FSCN3: variants seen among roughly 807,000 people sequenced by gnomAD.
The protein encoded by FSCN3 is fascin-3.
In FSCN3, 43 loss-of-function variants were observed where a neutral mutation model predicts 53.5. That is an observed-to-expected ratio of 0.80 (90% CI 0.63 to 1.04). FSCN3 has a LOEUF of 1.04. Among genes scored for constraint, FSCN3 ranks in the 50% least tolerant of loss-of-function variants. The pLI is 0.00. For missense variants in FSCN3, 594 were observed against 646.5 expected (o/e 0.92, Z 0.88); for synonymous variants, 235 against 246.6 (o/e 0.95, Z 0.44).
chr7:127,598,692 G>A (rs1450371597), intron 4 of FSCN3, 98 bp downstream of exon 4: 36 of 1,061,954 alleles, frequency 3.4e-5, no homozygotes, highest in Middle Eastern at 2.9e-4. Context: ...AAGGCCGGGC[G>A]TGGTGGCTCA....
In FSCN3 at chr7:127,595,611, G is replaced by T; in HGVS notation, c.449G>T (p.Ser150Ile). 1 of 1,614,026 alleles carries T rather than the reference G, an allele frequency of 6.2e-7. No homozygotes were observed. Among genetic ancestry groups the T allele is most frequent in the Non-Finnish European group, 8.5e-7 (1 of 1,179,954 alleles). Reference sequence around the variant, plus strand: ...CTCCATGTCCACGTGATCCTCTACAGCCCCATCCACCGCTGCTATGCCCGG... The same window carrying T: ...CTCCATGTCCACGTGATCCTCTACATCCCCATCCACCGCTGCTATGCCCGG... ...PALHVHVILYSPIHRCYARAD... is the reference protein window; with the variant it reads ...PALHVHVILYIPIHRCYARAD... Residue 150 changes from serine to isoleucine, a missense_variant, in exon 2 of 7, where the codon AGC becomes ATC. Physicochemically the swap from Ser to Ile is moderately radical, Grantham distance 142 (BLOSUM62 -2). Coordinates refer to ENST00000265825, the MANE Select transcript of FSCN3 (RefSeq NM_020369.3).
Position 127,598,485 on chromosome 7 carries a change from G to T in FSCN3, c.1011G>T (p.Thr337=), listed in dbSNP as rs576840283. 3 of 1,614,020 alleles carry T rather than the reference G, an allele frequency of 1.9e-6. No individual in the cohort carries two copies. The highest frequency in any genetic ancestry group is 2.5e-6 in the Non-Finnish European group (3 of 1,179,894). The change falls in exon 4 of 7, where the codon ACG becomes ACT. Residue 337 remains threonine, a synonymous_variant. Transcript: ENST00000265825. ...ATGGGCACCCCCTGGAGTCTGACAC[G>T]TTCTTCCGAATGCACTGGAACTGTG... The part of the protein sequence containing the change: ...MADGHPLESD[T]FFRMHWNCGR...
chr7:127,598,281 A>G (rs1202961798), intron 3 of FSCN3, among the ~76,000 whole-genome samples, 154 bp from the exon 4 acceptor site: 6 of 152,308 alleles, frequency 3.9e-5, no homozygotes, highest in Middle Eastern at 3.4e-3. Context: ...GCCACAGCAC[A>G]TCTTCCAAAA....
intron 5 of FSCN3, among the ~76,000 whole-genome samples, chr7:127,599,806 G>A (rs990893593): frequency 5.9e-5 from 9 of 152,048 alleles, no homozygotes; most frequent in African/African-American, 1.4e-4. Context: ...TTAGCCGGGC[G>A]TGGTGGCGGG....
At chr7:127,594,077 TGC>T in intron 1 of FSCN3, 80 bp downstream of exon 1, 1 of 1,484,298 alleles carries the variant, frequency 6.7e-7, no homozygotes. Flanking sequence ...CGCGTGTGTG[TGC>T]GTGAGTGTAT....
At position 127,595,504 on chromosome 7, in the gene FSCN3, T is replaced by G; in HGVS notation, c.342T>G (p.Arg114=). The change falls in exon 2 of 7, where the codon CGT becomes CGG. Residue 114 remains arginine (R), a synonymous_variant. Coordinates refer to ENST00000265825, the MANE Select transcript of FSCN3 (RefSeq NM_020369.3). ...KWTLQCLISG[R]YLESNGKDVF... Reference sequence around the variant, plus strand: ...CCCTCCAGTGCCTAATCTCTGGTCGTTATTTGGAGTCCAATGGCAAGGACG... The same window carrying G: ...CCCTCCAGTGCCTAATCTCTGGTCGGTATTTGGAGTCCAATGGCAAGGACG... The G allele has an allele frequency of 6.2e-7, 1 of 1,614,078 alleles. No homozygotes were observed. The highest frequency in any genetic ancestry group is 8.5e-7 in the Non-Finnish European group (1 of 1,179,990).
At position 127,596,357 on chromosome 7, in the gene FSCN3, T is replaced by C; in HGVS notation, c.871T>C (p.Leu291=). Residue 291 remains leucine, a synonymous_variant, in exon 3 of 7, where the codon TTA becomes CTA. Transcript: ENST00000265825. ...DGEVRAASER[L]NRMSLFQFEC... The stretch of plus-strand genomic sequence containing the variant: ...TGAGGTGCGTGCTGCTTCTGAGCGC[T>C]TAAACCGAATGTCCTTGTTCCAGTT... 1.2e-6 allele frequency: 2 copies of C among 1,613,214 alleles called. No individual in the cohort carries two copies. The highest frequency in any genetic ancestry group is 1.1e-5 in the South Asian group (1 of 91,072).
intron 3 of FSCN3, 169 bp downstream of exon 3, chr7:127,596,615 A>C (rs891813284): frequency 1.2e-5 from 5 of 419,002 alleles, no homozygotes; most frequent in Non-Finnish European, 1.7e-5. Flanking sequence ...AAAAAAAAAA[A>C]CAAAAATCAA....
At position 127,593,956 on chromosome 7, in the gene FSCN3, A is replaced by C. The variant is rs1587538743; in HGVS notation, c.103A>C (p.Asn35His). 1 of 1,612,526 alleles carries C rather than the reference A, an allele frequency of 6.2e-7. No homozygotes were observed. The highest frequency in any genetic ancestry group is 1.3e-5 in the African/African-American group (1 of 75,046). ...GTYLTFEACK[N>H]TVTATAKSLG... ...CTACCTCACCTTTGAGGCATGCAAG[A>C]ATACAGTCACTGCAACTGCGAAGAG... The change falls in exon 1 of 7, where the codon AAT (asparagine) becomes CAT (histidine). Residue 35 changes from asparagine to histidine, a missense_variant. Coordinates refer to ENST00000265825, the MANE Select transcript of FSCN3 (RefSeq NM_020369.3).
chr7:127,595,789 C>T lies in FSCN3; in HGVS notation c.627C>T (p.Pro209=), dbSNP rs1465615560. The change falls in exon 2 of 7, where the codon CCC becomes CCT. Residue 209 remains proline (P), a synonymous_variant. Transcript: ENST00000265825. ...ATGTAGACCGGCTGTTCTCCCAACCCTCATCACAGACAGCTTTTCACATGC... is the reference window on the plus strand; with the variant it reads ...ATGTAGACCGGCTGTTCTCCCAACCTTCATCACAGACAGCTTTTCACATGC... ...LSHVDRLFSQ[P]SSQTAFHMQV... is the part of the protein sequence containing the mutation. The T allele has an allele frequency of 2.5e-6, 4 of 1,613,764 alleles. No individual in the cohort carries two copies. Among genetic ancestry groups the T allele is most frequent in the Non-Finnish European group, 3.4e-6 (4 of 1,179,728 alleles).
chr7:127,597,361 C>T (rs1794404193), intron 3 of FSCN3, among the ~76,000 whole-genome samples: 1 of 152,128 alleles, frequency 6.6e-6, no homozygotes, highest in African/African-American at 2.4e-5. Flanking sequence ...TCTAAGAATT[C>T]CATATCCTCA....
chr7:127,597,003 G>A (rs574160453), intron 3 of FSCN3, among the ~76,000 whole-genome samples: 250 of 152,342 alleles, frequency 1.6e-3, no homozygotes, highest in Admixed American at 2.8e-3. Context: ...TCTTGTGCTT[G>A]GCACAATGTT....
In FSCN3 at chr7:127,598,592, C is replaced by A. The variant is rs754555059; in HGVS notation, c.1118C>A (p.Pro373Gln). The A allele has an allele frequency of 1.9e-6, 3 of 1,603,714 alleles. No homozygotes were observed. In the South Asian group the frequency reaches 3.3e-5, roughly 18 times the overall value. Residue 373 changes from proline (P) to glutamine (Q), a missense_variant and splice_region_variant, in exon 4 of 7, where the codon CCA becomes CAA. Coordinates refer to ENST00000265825, the MANE Select transcript of FSCN3 (RefSeq NM_020369.3). ...CTGCTGATGGCCAATGTCATCCTTC[C>A]AGGTGAGTGGAGCAGCCTTCCTGCC... ...NSLLMANVIL[P>Q]GPNEEFGILF...
chr7:127,598,679 C>G, intron 4 of FSCN3, 85 bp downstream of exon 4: 1 of 1,214,118 alleles, frequency 8.2e-7, no homozygotes, highest in Admixed American at 2.1e-5. Flanking sequence ...AAAAAGAGCA[C>G]TGAAGGCCGG....
At chr7:127,596,590 A>C in intron 3 of FSCN3, 144 bp downstream of exon 3, 6 of 465,974 alleles carry the variant, frequency 1.3e-5, no homozygotes, top group East Asian at 3.2e-5. Flanking sequence ...TTTTCACCCA[A>C]TGGGGGCTCC....
chr7:127,598,323 A>G, intron 3 of FSCN3, 112 bp from the exon 4 acceptor site: 6 of 1,021,592 alleles, frequency 5.9e-6, no homozygotes, highest in Non-Finnish European at 9.1e-6. Context: ...TGGGAGCATG[A>G]AAAAGGCTGA....
At position 127,599,571 on chromosome 7, in the gene FSCN3, T is replaced by C. The variant is rs753652855; in HGVS notation, c.1291+20T>C. The C allele has an allele frequency of 1.2e-6, 2 of 1,611,224 alleles. No individual in the cohort carries two copies. Among genetic ancestry groups the C allele is most frequent in the Non-Finnish European group, 1.7e-6 (2 of 1,177,936 alleles). On this transcript the variant is annotated intron_variant, in intron 5 of 6. Transcript: ENST00000265825. ...TCCAGGGTGAGTGGCTCCTCTTCCC[T>C]GCCCAAGGGTTCACAGTCTAGTCCC...
chr7:127,599,335 C>T, intron 4 of FSCN3, 46 bp from the exon 5 acceptor site: 1 of 1,527,172 alleles, frequency 6.5e-7, no homozygotes, highest in Non-Finnish European at 9.0e-7. Flanking sequence ...CTTGGGAAAA[C>T]ACCTAAAGGC....
intron 5 of FSCN3, 151 bp from the exon 6 acceptor site, chr7:127,600,043 C>T (rs1794450084): frequency 8.2e-6 from 5 of 609,070 alleles, no homozygotes; most frequent in African/African-American, 1.8e-5. Context: ...TCCCTATTGG[C>T]GCTCCTGCAT....
Sources: gnomAD v4.1 joint callset for allele counts (sites outside exome capture counted in the v4.1 genomes callset) on GRCh38, gnomAD v4.1.1 for gene constraint, MANE v1.5 for transcripts, NCBI Gene and HGNC (gene_info 2026-07-23, HGNC 2026-07-21) for gene names.